GCDH: variants seen among roughly 807,000 people sequenced by gnomAD.
The protein encoded by GCDH is glutaryl-CoA dehydrogenase, also known as glutaryl-CoA dehydrogenase, mitochondrial.
A neutral mutation model predicts 52.8 loss-of-function variants in GCDH; 31 were observed. That is an observed-to-expected ratio of 0.59 (90% CI 0.44 to 0.79). The LOEUF is 0.79. Ranked by LOEUF, GCDH falls within the 30% of genes least tolerant of loss-of-function variation. The pLI, the probability that GCDH is intolerant of heterozygous loss-of-function variation, is 0.00. For synonymous variants in GCDH, 242 were observed against 250.0 expected, an observed-to-expected ratio of 0.97 and a Z score of 0.30; for missense variants, 509 against 595.0, an observed-to-expected ratio of 0.86 and a Z score of 1.50.
chr19:12,892,494 G>C, intron 5 of GCDH: 2 of 425,960 alleles, frequency 4.7e-6, no homozygotes, highest in South Asian at 4.5e-5. Flanking sequence ...GTTTCACTGT[G>C]TTGGCCAGGC....
In GCDH at chr19:12,891,534, TGGTCGCACC is replaced by T; in HGVS notation, c.127+14_127+22del. The T allele has an allele frequency of 1.2e-6, 2 of 1,614,220 alleles. No homozygotes were observed. The highest frequency in any genetic ancestry group is 1.7e-6 in the Non-Finnish European group (2 of 1,180,022). ...CCAACTGGCTAAGTGTAAGGACCTC[TGGTCGCACC>T]GTGTGTCTGCTGCCCCTGTTCAGCT... On this transcript the variant is annotated intron_variant, in intron 3 of 11. Transcript: ENST00000222214.
Position 12,899,810 on chromosome 19 carries a change from C to T in GCDH, c.*269C>T. On this transcript the variant is annotated 3_prime_UTR_variant, in exon 12 of 12. Coordinates refer to ENST00000222214, the MANE Select transcript of GCDH (RefSeq NM_000159.4). ...CATTTACCCTGAAATAGCAGCTTCT[C>T]TTGAGAGGAGAGTGACATGGAAGCA... 1 of 1,585,290 alleles carries T rather than the reference C, an allele frequency of 6.3e-7. No homozygotes were observed. The highest frequency in any genetic ancestry group is 8.7e-7 in the Non-Finnish European group (1 of 1,154,742).
rs780047720 is a variant in GCDH, at chr19:12,896,675, G to A, written c.853-235G>A. 6.6e-6 allele frequency among the ~76,000 whole-genome samples: 1 copy of A among 152,198 alleles called. No individual in the cohort carries two copies. Reference sequence around the variant, plus strand: ...ACTCACAGTGCATCTTCTGGCATCCGTCAGCCTCCTGGCTCTGAGCATCGA... The same window carrying A: ...ACTCACAGTGCATCTTCTGGCATCCATCAGCCTCCTGGCTCTGAGCATCGA... On this transcript the variant is annotated intron_variant, in intron 8 of 11. Coordinates refer to ENST00000222214, the MANE Select transcript of GCDH (RefSeq NM_000159.4). This position sits in a 1 kb window ranked among gnomAD's most constrained non-coding sequence, Gnocchi z 5.5.
chr19:12,898,141 A>G (rs1013697507), intron 11 of GCDH: 1 of 483,516 alleles, frequency 2.1e-6, no homozygotes, highest in Middle Eastern at 5.9e-4. Flanking sequence ...TTCCTGAGAC[A>G]GGTAAGCTCC....
intron 11 of GCDH, chr19:12,898,357 T>G: frequency 6.6e-6 from 1 of 152,554 alleles, no homozygotes; most frequent in Admixed American, 6.3e-5. Flanking sequence ...TGGAAAAAGA[T>G]ACTTAAAAAA....
At chr19:12,894,255 G>A in intron 6 of GCDH, 1 of 1,017,840 alleles carries the variant, frequency 9.8e-7, no homozygotes. Context: ...TTGACGCTCT[G>A]GGTGAAGAAT....
Position 12,896,145 on chromosome 19 carries a change from G to A in GCDH, c.635+24G>A. 6.2e-7 allele frequency: 1 copy of A among 1,614,164 alleles called. No individual in the cohort carries two copies. Among genetic ancestry groups the A allele is most frequent in the African/African-American group, 1.3e-5 (1 of 75,044 alleles). On this transcript the variant is annotated intron_variant, in intron 7 of 11. Transcript: ENST00000222214. The surrounding 1 kb of genome is among the most constrained non-coding windows in gnomAD (Gnocchi z 5.5). ...TGGTAAGGGTTCTGGGTGGTGGGCAGGTGGTGAACAGGGGCAAAGGGGCAC... is the reference window on the plus strand; with the variant it reads ...TGGTAAGGGTTCTGGGTGGTGGGCAAGTGGTGAACAGGGGCAAAGGGGCAC...
intron 6 of GCDH, among the ~76,000 whole-genome samples, chr19:12,895,296 G>A (rs942705419): frequency 1.3e-5 from 2 of 151,988 alleles, no homozygotes; most frequent in Admixed American, 6.6e-5. Flanking sequence ...GTCCCGCTCC[G>A]TCCCCCAGGC....
intron 11 of GCDH, chr19:12,899,243 A>C (rs1599622078): frequency 1.7e-6 from 2 of 1,151,842 alleles, no homozygotes; most frequent in East Asian, 4.7e-5. Flanking sequence ...AAGATGCATT[A>C]TAGAACCATG....
intron 6 of GCDH, chr19:12,894,576 C>G (rs1970631425): frequency 1.5e-6 from 1 of 661,574 alleles, no homozygotes; most frequent in South Asian, 1.8e-5. Flanking sequence ...TTCAGTCTCT[C>G]TAAAGAAAAT....
In GCDH at chr19:12,896,763, GC is replaced by G. The variant is rs1970690569; in HGVS notation, c.853-145del. On this transcript the variant is annotated intron_variant, in intron 8 of 11. Transcript: ENST00000222214. The surrounding 1 kb of genome is among the most constrained non-coding windows in gnomAD (Gnocchi z 5.5). The stretch of plus-strand genomic sequence containing the variant: ...GAGTGAGCAGGCACCGAGCTTCAGT[GC>G]CAGGGCCATCTGTGATGTGAACCAC... 1.4e-6 allele frequency: 1 copy of G among 702,012 alleles called. No homozygotes were observed. Among genetic ancestry groups the G allele is most frequent in the South Asian group, 1.5e-5 (1 of 66,604 alleles). The allele number at this position is 702,012 out of a possible 1,614,324, so 43.5% of individuals were successfully genotyped here. A position where few individuals can be genotyped will look rare whatever the true frequency, so the allele number is the denominator to read the frequency against.
rs575367933 is a variant in GCDH at position 12,895,776 on chromosome 19, T to A, written c.506-216T>A. On this transcript the variant is annotated intron_variant, in intron 6 of 11. Transcript: ENST00000222214. The stretch of plus-strand genomic sequence containing the variant: ...ACAGGCACCCACCACCACATCTGGC[T>A]ATTTTTTTTTTTTTTTTTTTTTAAG... Among the ~76,000 whole-genome samples, 3 of 105,000 alleles carry A rather than the reference T, an allele frequency of 2.9e-5. No individual in the cohort carries two copies. In the East Asian group the frequency reaches 6.6e-4, roughly 23 times the overall value. 68.9% of individuals were successfully genotyped at this position (105,000 alleles called of 152,430 possible).
chr19:12,897,226 G>T lies in GCDH; in HGVS notation c.957-77G>T, dbSNP rs77028101. 5.6e-3 allele frequency: 8,952 copies of T among 1,590,870 alleles called. 34 individuals carry two copies. The highest frequency in any genetic ancestry group is 7.6e-3 in the Admixed American group (445 of 58,736). On this transcript the variant is annotated intron_variant, in intron 9 of 11. Coordinates refer to ENST00000222214, the MANE Select transcript of GCDH (RefSeq NM_000159.4). The stretch of plus-strand genomic sequence containing the variant: ...TGAGGCAGCCTGGGAAGGCGTCCTG[G>T]AGCAGGGGGCCCCAGGACAGGGACG...
chr19:12,893,682 A>G, intron 6 of GCDH, 29 bp downstream of exon 6: 1 of 1,597,818 alleles, frequency 6.3e-7, no homozygotes, highest in Non-Finnish European at 8.6e-7. Flanking sequence ...GGCCTGGTGG[A>G]AGGAAGACAG....
In GCDH at chr19:12,896,363, T is replaced by G; in HGVS notation, c.794T>G (p.Ile265Ser). The change falls in exon 8 of 12, where the codon ATC (isoleucine) becomes AGC (serine). Residue 265 changes from isoleucine to serine, a missense_variant. Transcript: ENST00000222214. The surrounding 1 kb of genome is among the most constrained non-coding windows in gnomAD (Gnocchi z 5.5). ...CGGGCCTCAGCCACAGGCATGATCA[T>G]CATGGACGGTGTGGAGGTGCCAGAG... ...SLRASATGMI[I>S]MDGVEVPEEN... is the part of the protein sequence containing the mutation. 6.2e-7 allele frequency: 1 copy of G among 1,614,054 alleles called. No individual in the cohort carries two copies. Among genetic ancestry groups the G allele is most frequent in the South Asian group, 1.1e-5 (1 of 91,078 alleles).
chr19:12,893,034 C>T (rs1015455655), intron 5 of GCDH, among the ~76,000 whole-genome samples: 1 of 151,730 alleles, frequency 6.6e-6, no homozygotes, highest in Non-Finnish European at 1.5e-5. Flanking sequence ...TACAGGGGTG[C>T]ACCACCACGC....
At chr19:12,897,903 G>T (rs1241814441) in intron 11 of GCDH, 40 bp downstream of exon 11, 2 of 1,570,544 alleles carry the variant, frequency 1.3e-6, no homozygotes, top group African/African-American at 2.7e-5. Context: ...AGGCCTCAGT[G>T]TCTGGGGAGG....
Position 12,892,115 on chromosome 19 carries a change from G to T in GCDH, c.272-1G>T, listed in dbSNP as rs745557726. On this transcript the variant is annotated splice_acceptor_variant, in intron 4 of 11. Transcript: ENST00000222214. LOFTEE classifies it high-confidence loss of function. ...GAATTTGGGCACTGGTCCCTTTGCA[G>T]TTTTTCATCGGGAGATCATTTCGGA... The T allele has an allele frequency of 6.2e-7, 1 of 1,614,162 alleles. No homozygotes were observed. The highest frequency in any genetic ancestry group is 8.5e-7 in the Non-Finnish European group (1 of 1,180,004).
intron 11 of GCDH, 87 bp downstream of exon 11, chr19:12,897,950 C>A: frequency 9.0e-7 from 1 of 1,105,262 alleles, no homozygotes; most frequent in Non-Finnish European, 1.4e-6. Context: ...GGTCTGAGTC[C>A]AACTCCACCT....
Sources: gnomAD v4.1 joint callset for allele counts (sites outside exome capture counted in the v4.1 genomes callset) on GRCh38, gnomAD v4.1.1 for gene constraint, Gnocchi (gnomAD v3.1) non-coding constraint, MANE v1.5 for transcripts, NCBI Gene and HGNC (gene_info 2026-07-23, HGNC 2026-07-21) for gene names.